The following EML6 variants were observed in gnomAD, a reference collection of about 807,000 sequenced individuals.
EML6 encodes echinoderm microtubule-associated protein-like 6.
EML6 carries 154 observed loss-of-function variants against 240.1 expected under a neutral mutation model. The observed-to-expected ratio is 0.64, with a 90% confidence interval of 0.56 to 0.73. The LOEUF (loss-of-function observed/expected upper bound fraction) is 0.73. EML6 is among the 30% of genes least tolerant of loss of function. EML6 has a pLI of 0.00. For synonymous variants in EML6, 1,148 were observed against 899.0 expected (o/e 1.28, Z -4.95); for missense variants, 2,964 against 2,474.6 (o/e 1.20, Z -4.20).
intron 38 of EML6, among the ~76,000 whole-genome samples, chr2:54,965,887 C>A (rs182604412): frequency 2.0e-5 from 3 of 152,334 alleles, no homozygotes; most frequent in Admixed American, 6.5e-5. Context: ...GGTCCCCAGG[C>A]AAGAAGGAGG....
intron 11 of EML6, among the ~76,000 whole-genome samples, chr2:54,854,832 C>T (rs1239973141): frequency 6.6e-6 from 1 of 152,206 alleles, no homozygotes; most frequent in African/African-American, 2.4e-5. Flanking sequence ...TCTTTTTCCC[C>T]ACAAGAGCCC....
At chr2:54,810,008 G>C (rs1667754236) in intron 2 of EML6, among the ~76,000 whole-genome samples, 1 of 152,110 alleles carries the variant, frequency 6.6e-6, no homozygotes, top group African/African-American at 2.4e-5. Context: ...TGCTATTCTT[G>C]ACATGGACAT....
chr2:54,841,480 A>G (rs1255612919), intron 7 of EML6, among the ~76,000 whole-genome samples: 4 of 152,082 alleles, frequency 2.6e-5, no homozygotes, highest in Non-Finnish European at 5.9e-5. Flanking sequence ...TCCTCTCGGG[A>G]CCACAGTGAA....
At chr2:54,782,778 T>C (rs1668908281) in intron 2 of EML6, among the ~76,000 whole-genome samples, 1 of 152,006 alleles carries the variant, frequency 6.6e-6, no homozygotes, top group Non-Finnish European at 1.5e-5. Context: ...TGTTTTACCC[T>C]CTTACTCATT....
At chr2:54,829,728 G>A (rs569021488) in intron 7 of EML6, among the ~76,000 whole-genome samples, 3 of 152,276 alleles carry the variant, frequency 2.0e-5, no homozygotes, top group East Asian at 3.9e-4. Flanking sequence ...TTAGGAGATG[G>A]GATTGTCAGT....
In EML6 at chr2:54,838,531, C is replaced by A. The variant is rs555674778; in HGVS notation, c.848-5516C>A. 7.2e-5 allele frequency among the ~76,000 whole-genome samples: 11 copies of A among 152,260 alleles called. No homozygotes were observed. In the East Asian group the frequency reaches 1.2e-3, roughly 16 times the overall value. On this transcript the variant is annotated intron_variant, in intron 7 of 41. Coordinates refer to ENST00000356458, the MANE Select transcript of EML6 (RefSeq NM_001039753.4). The stretch of plus-strand genomic sequence containing the variant: ...AAATAAACTAGTGGTAGAAAATAAG[C>A]AATGTCCCTTAGTAATGAGGTCTGA...
chr2:54,799,659 A>G (rs1300927846), intron 2 of EML6, among the ~76,000 whole-genome samples: 1 of 152,186 alleles, frequency 6.6e-6, no homozygotes, highest in Non-Finnish European at 1.5e-5. Context: ...GGTTGCTTTC[A>G]TACTAGCATG....
rs146306608 is a variant in EML6, at chr2:54,823,147, T to G, written c.525+2685T>G. On this transcript the variant is annotated intron_variant, in intron 5 of 41. Transcript: ENST00000356458. ...TTCAATTTGCTTGAAGTTTAGCCATTAAAACATTAAGACAGAATGTTTTGG... is the reference window on the plus strand; with the variant it reads ...TTCAATTTGCTTGAAGTTTAGCCATGAAAACATTAAGACAGAATGTTTTGG... Among the ~76,000 whole-genome samples, 1,171 of 152,288 alleles carry G rather than the reference T, an allele frequency of 7.7e-3. 10 individuals are homozygous for G. Among genetic ancestry groups the G allele is most frequent in the African/African-American group, 0.027 (1,121 of 41,546 alleles).
At chr2:54,846,678 C>G (rs1485763767) in intron 8 of EML6, among the ~76,000 whole-genome samples, 3 of 152,056 alleles carry the variant, frequency 2.0e-5, no homozygotes, top group Non-Finnish European at 4.4e-5. Context: ...GAGATGGAGT[C>G]TCACCATGTT....
chr2:54,890,876 A>T (rs1465569015), intron 17 of EML6, among the ~76,000 whole-genome samples, 178 bp from the exon 18 acceptor site: 1 of 152,200 alleles, frequency 6.6e-6, no homozygotes, highest in African/African-American at 2.4e-5. Flanking sequence ...GGGTTCAAAC[A>T]TGCAAAGAAA....
chr2:54,871,754 T>C (rs771538274), intron 16 of EML6, 149 bp downstream of exon 16: 6 of 658,768 alleles, frequency 9.1e-6, no homozygotes, highest in Non-Finnish European at 1.6e-5. Context: ...ACAAGCTCTT[T>C]GTATGCCAGC....
intron 28 of EML6, among the ~76,000 whole-genome samples, chr2:54,939,417 A>G (rs1675312514): frequency 6.6e-6 from 1 of 152,182 alleles, no homozygotes; most frequent in African/African-American, 2.4e-5. Flanking sequence ...AGGATCAGGC[A>G]ACTCTCCTTT....
chr2:54,804,520 C>T (rs1024601990), intron 2 of EML6, among the ~76,000 whole-genome samples: 11 of 152,310 alleles, frequency 7.2e-5, no homozygotes, highest in Admixed American at 2.6e-4. Flanking sequence ...AGAACCTCTG[C>T]GAGTTGATAA....
Position 54,853,722 on chromosome 2 carries a change from G to A in EML6, c.1524G>A (p.Val508=). Residue 508 remains valine (V), a synonymous_variant, in exon 11 of 42, where the codon GTG becomes GTA. Coordinates refer to ENST00000356458, the MANE Select transcript of EML6 (RefSeq NM_001039753.4). ...GGACATGCGTGAAAGGCCCTGAAGT[G>A]AGTGGAATTTGGCCCAAATACACTG... ...ASWTCVKGPE[V]SGIWPKYTEV... 1.3e-6 allele frequency: 2 copies of A among 1,551,640 alleles called. No individual in the cohort carries two copies. Among genetic ancestry groups the A allele is most frequent in the Non-Finnish European group, 1.7e-6 (2 of 1,146,930 alleles).
chr2:54,728,850 C>T (rs945733256), intron 2 of EML6, among the ~76,000 whole-genome samples: 1 of 152,276 alleles, frequency 6.6e-6, no homozygotes, highest in South Asian at 2.1e-4. Flanking sequence ...TCCTTATTTT[C>T]CTTTTTTAAA....
In EML6 at chr2:54,824,100, A is replaced by G. The variant is rs560917622; in HGVS notation, c.526-3466A>G. Among the ~76,000 whole-genome samples, 63 of 152,046 alleles carry G rather than the reference A, an allele frequency of 4.1e-4. 1 individual carries two copies. In the South Asian group the frequency reaches 0.012, roughly 29 times the overall value. Reference sequence around the variant, plus strand: ...TTCTTTAGTGAACTACCTTGCCTTAACTTTTTATTGGGTTCTAACTAGATT... The same window carrying G: ...TTCTTTAGTGAACTACCTTGCCTTAGCTTTTTATTGGGTTCTAACTAGATT... On this transcript the variant is annotated intron_variant, in intron 5 of 41. Transcript: ENST00000356458.
chr2:54,812,926 C>G (rs753231097), intron 2 of EML6, among the ~76,000 whole-genome samples: 1 of 152,070 alleles, frequency 6.6e-6, no homozygotes, highest in Non-Finnish European at 1.5e-5. Context: ...TTAAATTTCA[C>G]AACATAAAGC....
At chr2:54,733,260 T>C (rs909572168) in intron 2 of EML6, among the ~76,000 whole-genome samples, 13 of 152,256 alleles carry the variant, frequency 8.5e-5, no homozygotes, top group African/African-American at 2.9e-4. Context: ...TTTTAAGGCA[T>C]GAGCCTTCAT....
At position 54,797,625 on chromosome 2, in the gene EML6, T is replaced by TAA. The variant is rs34160986; in HGVS notation, c.198-15595_198-15594dup. On this transcript the variant is annotated intron_variant, in intron 2 of 41. Coordinates refer to ENST00000356458, the MANE Select transcript of EML6 (RefSeq NM_001039753.4). Reference sequence around the variant, plus strand: ...CAACATGTAGAAAACTTCTTTATTGTAAAAAAAAAAAAATGCTAGCAATAG... The same window carrying TAA: ...CAACATGTAGAAAACTTCTTTATTGTAAAAAAAAAAAAAAATGCTAGCAATAG... Among the ~76,000 whole-genome samples the TAA allele has an allele frequency of 5.8e-4, 86 of 148,876 alleles. 1 individual carries two copies. Among genetic ancestry groups the TAA allele is most frequent in the African/African-American group, 1.9e-3 (77 of 40,748 alleles).
Sources: allele counts gnomAD v4.1 joint callset (sites outside exome capture counted in the v4.1 genomes callset), GRCh38; gene constraint gnomAD v4.1.1; transcripts MANE v1.5; gene names NCBI Gene and HGNC (gene_info 2026-07-23, HGNC 2026-07-21).